The following MYO5B variants were observed in gnomAD, a reference collection of about 807,000 sequenced individuals.
MYO5B encodes the protein myosin VB.
Under a neutral mutation model 229.3 loss-of-function variants are expected in MYO5B, and 143 were observed. That is an observed-to-expected ratio of 0.62 (90% CI 0.54 to 0.72). The LOEUF (loss-of-function observed/expected upper bound fraction) is 0.72. Ranked by LOEUF, MYO5B falls within the 30% of genes least tolerant of loss-of-function variation. The pLI is 0.00. For synonymous variants in MYO5B, 918 were observed against 885.2 expected (o/e 1.04, Z -0.66); for missense variants, 2,321 against 2,331.0 (o/e 1.00, Z 0.09).
chr18:49,857,731 T>C (rs116397126), intron 29 of MYO5B, among the ~76,000 whole-genome samples: 2,465 of 152,300 alleles, frequency 0.016, 63 homozygotes, highest in African/African-American at 0.055. Flanking sequence ...GTCTGCCCCA[T>C]GCCAGCAAGG....
intron 2 of MYO5B, among the ~76,000 whole-genome samples, chr18:50,051,201 T>G (rs2030383500): frequency 6.6e-6 from 1 of 152,200 alleles, no homozygotes; most frequent in South Asian, 2.1e-4. Context: ...TTTGATAAAA[T>G]ATACTTTAAA....
chr18:49,837,823 G>A, intron 36 of MYO5B, 21 bp from the exon 37 acceptor site: 1 of 1,613,498 alleles, frequency 6.2e-7, no homozygotes, highest in South Asian at 1.1e-5. Context: ...AGCACAGTTA[G>A]AGAAGCTTGC....
Position 49,962,347 on chromosome 18 carries a change from A to G in MYO5B, c.1464T>C (p.Ile488=). 1.9e-6 allele frequency: 3 copies of G among 1,614,202 alleles called. No homozygotes were observed. Among genetic ancestry groups the G allele is most frequent in the Non-Finnish European group, 2.5e-6 (3 of 1,180,038 alleles). Residue 488 remains isoleucine, a synonymous_variant, in exon 12 of 40, where the codon ATT becomes ATC. Transcript: ENST00000285039. The part of the protein sequence containing the change: ...YMKEQIPWTL[I]DFYDNQPCID... ...TACAAGGTTGGTTATCATAAAAATC[A>G]ATCAGGGTCCAAGGGATCTGTTCCT...
chr18:50,162,497 G>A (rs940541545), intron 1 of MYO5B, among the ~76,000 whole-genome samples: 1 of 152,188 alleles, frequency 6.6e-6, no homozygotes, highest in African/African-American at 2.4e-5. Context: ...TTTCTTCAAA[G>A]AGCGTATTTT....
chr18:50,050,845 C>T (rs2030372158), intron 2 of MYO5B, among the ~76,000 whole-genome samples: 1 of 152,208 alleles, frequency 6.6e-6, no homozygotes, highest in Non-Finnish European at 1.5e-5. Context: ...CATTATCCTT[C>T]CTTTCAGATA....
chr18:49,882,555 G>T (rs1232452485), intron 22 of MYO5B, among the ~76,000 whole-genome samples: 1 of 144,102 alleles, frequency 6.9e-6, no homozygotes, highest in Non-Finnish European at 1.5e-5. Flanking sequence ...TTGAACCAGG[G>T]AGTCAGAGGT....
chr18:49,887,408 A>T (rs116293661), intron 22 of MYO5B, among the ~76,000 whole-genome samples: 3,714 of 152,062 alleles, frequency 0.024, 150 homozygotes, highest in African/African-American at 0.085. Flanking sequence ...TGTTAAGGGG[A>T]AGCAACGTTT....
At chr18:50,120,004 G>A (rs954117038) in intron 1 of MYO5B, among the ~76,000 whole-genome samples, 9 of 150,242 alleles carry the variant, frequency 6.0e-5, no homozygotes, top group African/African-American at 2.0e-4. Flanking sequence ...TTTAAAAAAA[G>A]GTCTAGCTTC....
intron 5 of MYO5B, among the ~76,000 whole-genome samples, chr18:50,000,832 G>A (rs1214516199): frequency 6.6e-6 from 1 of 152,192 alleles, no homozygotes; most frequent in African/African-American, 2.4e-5. Flanking sequence ...AATACTGTGG[G>A]TTAAAAAATA....
chr18:49,982,075 A>C (rs1161175275), intron 8 of MYO5B, among the ~76,000 whole-genome samples: 1 of 152,100 alleles, frequency 6.6e-6, no homozygotes, highest in Admixed American at 6.5e-5. Context: ...TAGCTTTTCT[A>C]CTTCGTTTAT....
At chr18:49,912,518 G>A (rs962721126) in intron 17 of MYO5B, among the ~76,000 whole-genome samples, 1 of 152,194 alleles carries the variant, frequency 6.6e-6, no homozygotes, top group African/African-American at 2.4e-5. Flanking sequence ...ACATGTCGAG[G>A]GAGGTACCCA....
chr18:49,918,239 C>T (rs1367321286), intron 17 of MYO5B, among the ~76,000 whole-genome samples: 2 of 152,204 alleles, frequency 1.3e-5, no homozygotes, highest in Non-Finnish European at 2.9e-5. Flanking sequence ...CCAATATGGA[C>T]AGATGGTATG....
In MYO5B at chr18:49,838,234, C is replaced by A. The variant is rs7236454; in HGVS notation, c.4853-432G>T. Among the ~76,000 whole-genome samples the A allele has an allele frequency of 5.0e-3, 764 of 152,290 alleles. 10 individuals are homozygous for A. The highest frequency in any genetic ancestry group is 0.018 in the African/African-American group (731 of 41,542). On this transcript the variant is annotated intron_variant, in intron 36 of 39. Transcript: ENST00000285039. ...TTCAGTATCTCTTTCAATCTTCCAA[C>A]AACTCTATAAAGTACTACCCATTTT...
At chr18:50,136,262 G>A (rs1384504693) in intron 1 of MYO5B, among the ~76,000 whole-genome samples, 2 of 152,010 alleles carry the variant, frequency 1.3e-5, no homozygotes, top group Non-Finnish European at 2.9e-5. Context: ...CTTTCAACTG[G>A]AGTGGCCACG....
At chr18:49,872,517 G>C (rs1057365461) in intron 26 of MYO5B, among the ~76,000 whole-genome samples, 1 of 142,124 alleles carries the variant, frequency 7.0e-6, no homozygotes, top group Non-Finnish European at 1.5e-5. Flanking sequence ...GTTATGGCTT[G>C]AATTTTGCCC....
At chr18:49,874,918 A>G (rs2024499773) in intron 26 of MYO5B, among the ~76,000 whole-genome samples, 1 of 152,212 alleles carries the variant, frequency 6.6e-6, no homozygotes, top group East Asian at 1.9e-4. Context: ...CTCAACTTGC[A>G]TTTATTTAAG....
chr18:50,184,860 G>A (rs1040120549), intron 1 of MYO5B, among the ~76,000 whole-genome samples: 18 of 148,656 alleles, frequency 1.2e-4, no homozygotes, highest in African/African-American at 3.3e-4. Flanking sequence ...GCAACATGGT[G>A]AGACCCTATC....
intron 13 of MYO5B, 134 bp downstream of exon 13, chr18:49,954,179 T>G: frequency 7.4e-7 from 1 of 1,352,628 alleles, no homozygotes; most frequent in Non-Finnish European, 1.0e-6. Flanking sequence ...TAAAAGAGGA[T>G]GGAAGGGGAA....
intron 1 of MYO5B, among the ~76,000 whole-genome samples, chr18:50,071,888 G>C (rs1175928103): frequency 6.6e-6 from 1 of 152,240 alleles, no homozygotes; most frequent in African/African-American, 2.4e-5. Flanking sequence ...GAATTTCACT[G>C]AGTCCCATGC....
Sources: gnomAD v4.1 joint callset for allele counts (sites outside exome capture counted in the v4.1 genomes callset) on GRCh38, gnomAD v4.1.1 for gene constraint, MANE v1.5 for transcripts, NCBI Gene and HGNC (gene_info 2026-07-23, HGNC 2026-07-21) for gene names.